Variants in UVRAG observed in about 807,000 individuals in gnomAD.
UVRAG encodes UV radiation resistance-associated gene protein.
A neutral mutation model predicts 78.0 loss-of-function variants in UVRAG; 19 were observed. That is an observed-to-expected ratio of 0.24 (90% CI 0.17 to 0.36). UVRAG has a LOEUF of 0.36. UVRAG is among the 10% of genes least tolerant of loss of function. UVRAG has a pLI of 1.00. For missense variants in UVRAG, 740 were observed against 853.8 expected, an observed-to-expected ratio of 0.87 and a Z score of 1.66; for synonymous variants, 323 against 324.6, an observed-to-expected ratio of 1.00 and a Z score of 0.05.
intron 7 of UVRAG, among the ~76,000 whole-genome samples, chr11:75,977,430 A>G (rs1591085152): frequency 6.6e-6 from 1 of 152,018 alleles, no homozygotes; most frequent in Non-Finnish European, 1.5e-5. Flanking sequence ...TATCCTTGTT[A>G]ACTTTCTGTC....
intron 11 of UVRAG, among the ~76,000 whole-genome samples, chr11:76,013,818 C>G (rs1950096599): frequency 6.6e-6 from 1 of 152,152 alleles, no homozygotes; most frequent in Non-Finnish European, 1.5e-5. Flanking sequence ...CCCTTGGGCC[C>G]TGTAATGCTT....
intron 13 of UVRAG, among the ~76,000 whole-genome samples, chr11:76,077,318 G>C (rs531462106): frequency 1.3e-5 from 2 of 151,948 alleles, no homozygotes; most frequent in South Asian, 2.1e-4. Context: ...CAAATGATTG[G>C]TTAAGTGTTC....
chr11:75,828,754 C>CATATATATATATATATATACACACACAT (rs1945581940), intron 1 of UVRAG, among the ~76,000 whole-genome samples: 1 of 78,392 alleles, frequency 1.3e-5, no homozygotes, highest in Non-Finnish European at 2.3e-5. Context: ...TATACACACA[C>CATATATATATATATATATACACACACAT]ATATATATAT....
chr11:75,936,212 T>C (rs897570268), intron 6 of UVRAG, among the ~76,000 whole-genome samples: 5 of 152,248 alleles, frequency 3.3e-5, no homozygotes, highest in African/African-American at 9.6e-5. Context: ...CCTTAATTAG[T>C]GTCTACCATG....
intron 14 of UVRAG, among the ~76,000 whole-genome samples, chr11:76,129,845 A>AG (rs1952480222): frequency 6.6e-6 from 1 of 152,000 alleles, no homozygotes. Context: ...CTGCAGCCAG[A>AG]GTGCACTTTC....
At chr11:75,996,303 T>C (rs181585752) in intron 8 of UVRAG, among the ~76,000 whole-genome samples, 93 of 152,168 alleles carry the variant, frequency 6.1e-4, no homozygotes, top group Non-Finnish European at 1.0e-3. Context: ...AAAGAGAGCA[T>C]ATGACTTGTA....
chr11:76,142,767 T>G lies in UVRAG; in HGVS notation c.*1354T>G, dbSNP rs1952746145. ...GCCATGTCTATCTAAGCGGAGGCTG[T>G]TGACTTCATTCAGTTTGCATATTGT... On this transcript the variant is annotated 3_prime_UTR_variant, in exon 15 of 15. Transcript: ENST00000356136. 6.6e-6 allele frequency: 1 copy of G among 152,252 alleles called. No homozygotes were observed. The highest frequency in any genetic ancestry group is 1.5e-5 in the Non-Finnish European group (1 of 68,046). The allele number at this position is 152,252 out of a possible 1,614,324, so 9.4% of individuals were successfully genotyped here.
chr11:75,845,169 T>G (rs1946007687), intron 1 of UVRAG, among the ~76,000 whole-genome samples: 1 of 152,214 alleles, frequency 6.6e-6, no homozygotes. Context: ...TAGTGAATGT[T>G]TTTAACCTTT....
chr11:76,055,173 A>G (rs1012336944), intron 12 of UVRAG, among the ~76,000 whole-genome samples: 3 of 151,990 alleles, frequency 2.0e-5, no homozygotes, highest in African/African-American at 7.3e-5. Flanking sequence ...TCAGCCTCCC[A>G]AGTAGCTGGG....
chr11:75,872,391 C>CAT (rs1555078329), intron 3 of UVRAG, among the ~76,000 whole-genome samples: 1 of 137,188 alleles, frequency 7.3e-6, no homozygotes, highest in African/African-American at 2.7e-5. Flanking sequence ...CTAATGCTGC[C>CAT]TTTTTTTTTT....
At chr11:75,895,000 A>G (rs1328777726) in intron 5 of UVRAG, among the ~76,000 whole-genome samples, 1 of 152,190 alleles carries the variant, frequency 6.6e-6, no homozygotes, top group South Asian at 2.1e-4. Context: ...ATAAATGGAT[A>G]TCATATAGTT....
At chr11:75,918,008 T>G (rs190673784) in intron 6 of UVRAG, among the ~76,000 whole-genome samples, 5 of 152,264 alleles carry the variant, frequency 3.3e-5, no homozygotes, top group African/African-American at 9.6e-5. Flanking sequence ...CTCCAGAGGC[T>G]ATCATATAAA....
intron 14 of UVRAG, among the ~76,000 whole-genome samples, chr11:76,135,664 A>G (rs896799802): frequency 6.6e-6 from 1 of 152,228 alleles, no homozygotes; most frequent in African/African-American, 2.4e-5. Context: ...CACAGATGTC[A>G]TGTTTCCAGT....
intron 12 of UVRAG, among the ~76,000 whole-genome samples, chr11:76,049,051 C>T (rs1375709526): frequency 2.0e-5 from 3 of 152,232 alleles, no homozygotes; most frequent in Non-Finnish European, 4.4e-5. Flanking sequence ...CATAGAGAAG[C>T]TCCCCACCTG....
intron 5 of UVRAG, among the ~76,000 whole-genome samples, chr11:75,898,498 T>C (rs755810177): frequency 2.0e-5 from 3 of 152,150 alleles, no homozygotes; most frequent in African/African-American, 4.8e-5. Context: ...AGGCATCTAA[T>C]AGGTATATAG....
chr11:76,091,007 T>C (rs1951686455), intron 13 of UVRAG, among the ~76,000 whole-genome samples: 1 of 152,266 alleles, frequency 6.6e-6, no homozygotes, highest in South Asian at 2.1e-4. Context: ...GATGTCTTCC[T>C]CTTTCTCAGT....
chr11:76,058,755 T>A (rs1951028815), intron 12 of UVRAG, among the ~76,000 whole-genome samples: 1 of 152,076 alleles, frequency 6.6e-6, no homozygotes, highest in South Asian at 2.1e-4. Flanking sequence ...TCTCTAGGCA[T>A]TAAATGGGCA....
intron 11 of UVRAG, among the ~76,000 whole-genome samples, chr11:76,012,061 C>T (rs1426269265): frequency 6.6e-6 from 1 of 152,098 alleles, no homozygotes; most frequent in Non-Finnish European, 1.5e-5. Flanking sequence ...TGGCTCATGC[C>T]TGTAATCCTA....
In UVRAG at chr11:75,983,720, A is replaced by G. The variant is rs1949439420; in HGVS notation, c.826+207A>G. The G allele has an allele frequency of 1.0e-5, 6 of 584,240 alleles. No homozygotes were observed. In the South Asian group the frequency reaches 1.1e-4, roughly 11 times the overall value. The allele number at this position is 584,240 out of a possible 1,614,324, so 36.2% of individuals were successfully genotyped here. A position where few individuals can be genotyped will look rare whatever the true frequency, so the allele number is the denominator to read the frequency against. On this transcript the variant is annotated intron_variant, in intron 8 of 14. Transcript: ENST00000356136. ...TGTTTACACAAGCTCAGATGGTATA[A>G]ACTACTACTACACACCTAGGCTATA...
Sources: allele counts gnomAD v4.1 joint callset (sites outside exome capture counted in the v4.1 genomes callset), GRCh38; gene constraint gnomAD v4.1.1; transcripts MANE v1.5; gene names NCBI Gene and HGNC (gene_info 2026-07-23, HGNC 2026-07-21).